MYLK: variants seen among roughly 807,000 people sequenced by gnomAD.
MYLK encodes myosin light chain kinase, smooth muscle.
Under a neutral mutation model 203.4 loss-of-function variants are expected in MYLK, and 106 were observed. That is an observed-to-expected ratio of 0.52 (90% CI 0.45 to 0.61). The LOEUF (loss-of-function observed/expected upper bound fraction) is 0.61, where lower values mean the gene tolerates loss of function less well. Ranked by LOEUF, MYLK falls within the 20% of genes least tolerant of loss-of-function variation. The pLI is 0.00. For synonymous variants in MYLK, 867 were observed against 959.5 expected (o/e 0.90, Z 1.78); for missense variants, 2,072 against 2,442.3 (o/e 0.85, Z 3.20).
intron 2 of MYLK, among the ~76,000 whole-genome samples, chr3:123,835,322 T>C (rs1225355309): frequency 6.6e-6 from 1 of 152,136 alleles, no homozygotes; most frequent in South Asian, 2.1e-4. Flanking sequence ...TGGCAATCAG[T>C]CACAAGAGAG....
chr3:123,806,494 T>C (rs189077067), intron 3 of MYLK, among the ~76,000 whole-genome samples: 1 of 152,288 alleles, frequency 6.6e-6, no homozygotes, highest in Non-Finnish European at 1.5e-5. Context: ...AGTCATTACA[T>C]TGATTGAGAC....
intron 20 of MYLK, among the ~76,000 whole-genome samples, chr3:123,670,341 C>T (rs1007375582): frequency 2.0e-5 from 3 of 152,078 alleles, no homozygotes; most frequent in Non-Finnish European, 4.4e-5. Context: ...GAGGAGAACC[C>T]ACAGGTCAGG....
intron 4 of MYLK, among the ~76,000 whole-genome samples, chr3:123,779,309 G>A (rs922877425): frequency 2.0e-5 from 3 of 152,230 alleles, no homozygotes; most frequent in African/African-American, 7.2e-5. Context: ...CAGCATGACA[G>A]GCTGTGGAAA....
chr3:123,748,386 C>T (rs2063086083), intron 5 of MYLK, among the ~76,000 whole-genome samples: 1 of 152,204 alleles, frequency 6.6e-6, no homozygotes, highest in Non-Finnish European at 1.5e-5. Context: ...AACAAACATC[C>T]AAACCATATC....
chr3:123,694,780 C>T (rs1042604891), intron 18 of MYLK, among the ~76,000 whole-genome samples: 9 of 152,238 alleles, frequency 5.9e-5, no homozygotes, highest in African/African-American at 2.2e-4. Flanking sequence ...TGCCCAGAGC[C>T]TGGACCCCTG....
At chr3:123,721,790 C>T (rs2062096631) in intron 13 of MYLK, among the ~76,000 whole-genome samples, 5 of 149,200 alleles carry the variant, frequency 3.4e-5, no homozygotes. Flanking sequence ...CTATCTCTTT[C>T]CCCCATACCT....
At chr3:123,690,308 G>C (rs771173576) in intron 19 of MYLK, among the ~76,000 whole-genome samples, 1 of 152,208 alleles carries the variant, frequency 6.6e-6, no homozygotes, top group African/African-American at 2.4e-5. Flanking sequence ...GTTCTTCAAC[G>C]TATTCTGATT....
intron 24 of MYLK, among the ~76,000 whole-genome samples, chr3:123,650,056 C>T (rs751087748): frequency 1.3e-4 from 20 of 152,130 alleles, no homozygotes; most frequent in Non-Finnish European, 2.5e-4. Context: ...GAGGGGTTCC[C>T]CGGAACAGGG....
At chr3:123,830,642 T>C (rs1262227723) in intron 3 of MYLK, among the ~76,000 whole-genome samples, 1 of 152,158 alleles carries the variant, frequency 6.6e-6, no homozygotes, top group Non-Finnish European at 1.5e-5. Context: ...TTTCTTTGTT[T>C]CACTGGTATT....
At chr3:123,867,539 G>C (rs368045948) in intron 2 of MYLK, among the ~76,000 whole-genome samples, 2 of 151,982 alleles carry the variant, frequency 1.3e-5, no homozygotes, top group African/African-American at 4.8e-5. Context: ...TGTGAAGATG[G>C]ATGCAGAGAC....
At chr3:123,804,121 T>C (rs1408078542) in intron 3 of MYLK, among the ~76,000 whole-genome samples, 1 of 152,176 alleles carries the variant, frequency 6.6e-6, no homozygotes, top group Non-Finnish European at 1.5e-5. Flanking sequence ...GGAGTATCAT[T>C]TGCTCATAAG....
intron 11 of MYLK, among the ~76,000 whole-genome samples, chr3:123,728,292 A>G (rs2062360427): frequency 6.6e-6 from 1 of 152,156 alleles, no homozygotes; most frequent in Admixed American, 6.5e-5. Context: ...TGCTTGAGCC[A>G]GAAGTTTGAA....
intron 4 of MYLK, among the ~76,000 whole-genome samples, chr3:123,787,812 T>C (rs976066213): frequency 6.6e-6 from 1 of 152,190 alleles, no homozygotes; most frequent in Non-Finnish European, 1.5e-5. Flanking sequence ...CTTTCTATCA[T>C]ATCTACCCCA....
chr3:123,790,996 T>G (rs1312644828), intron 4 of MYLK, among the ~76,000 whole-genome samples: 2 of 152,138 alleles, frequency 1.3e-5, no homozygotes, highest in Non-Finnish European at 2.9e-5. Flanking sequence ...AGTTAGTCAC[T>G]CATAAGAGGT....
chr3:123,795,994 A>G (rs2064972190), intron 3 of MYLK, among the ~76,000 whole-genome samples: 1 of 152,164 alleles, frequency 6.6e-6, no homozygotes, highest in South Asian at 2.1e-4. Context: ...GACTAGGCTC[A>G]TTTGTAATAG....
intron 31 of MYLK, among the ~76,000 whole-genome samples, chr3:123,625,580 G>A (rs1195408067): frequency 2.0e-5 from 3 of 152,030 alleles, no homozygotes; most frequent in South Asian, 2.1e-4. Context: ...AGGCCGAGGC[G>A]GGTGGATCAC....
chr3:123,661,878 C>T (rs1056884483), intron 23 of MYLK, among the ~76,000 whole-genome samples: 5 of 152,132 alleles, frequency 3.3e-5, no homozygotes, highest in South Asian at 2.1e-4. Context: ...TCTGGGGAGT[C>T]GGGCCAGGGT....
chr3:123,692,719 G>T lies in MYLK; in HGVS notation c.3565+16C>A. ...CCCCTGTGTATGGGTGGCGGCGATG[G>T]GTGGGCACGACCTACCATCCACGGT... On this transcript the variant is annotated intron_variant, in intron 19 of 33. Transcript: ENST00000360304. 1 of 1,594,630 alleles carries T rather than the reference G, an allele frequency of 6.3e-7. No individual in the cohort carries two copies. The highest frequency in any genetic ancestry group is 8.6e-7 in the Non-Finnish European group (1 of 1,162,246).
chr3:123,838,869 C>T (rs1003760279), intron 2 of MYLK, among the ~76,000 whole-genome samples: 1 of 151,914 alleles, frequency 6.6e-6, no homozygotes, highest in Non-Finnish European at 1.5e-5. Flanking sequence ...CTGAGGCAGG[C>T]AGATCAACTG....
Sources: gnomAD v4.1 joint callset for allele counts (sites outside exome capture counted in the v4.1 genomes callset) on GRCh38, gnomAD v4.1.1 for gene constraint, MANE v1.5 for transcripts, NCBI Gene and HGNC (gene_info 2026-07-23, HGNC 2026-07-21) for gene names.